The following LPP variants were observed in gnomAD, a reference collection of about 807,000 sequenced individuals.
The protein encoded by LPP is LIM domain containing preferred translocation partner in lipoma.
Under a neutral mutation model 60.4 loss-of-function variants are expected in LPP, and 38 were observed. That is an observed-to-expected ratio of 0.63 (90% CI 0.49 to 0.83). LPP has a LOEUF of 0.83. LPP is among the 40% of genes least tolerant of loss of function. The probability of loss-of-function intolerance (pLI) is 0.00; values close to 1 mark genes in which losing one functional copy is unlikely to be tolerated. For missense variants in LPP, 902 were observed against 783.6 expected, an observed-to-expected ratio of 1.15 and a Z score of -1.80; for synonymous variants, 328 against 290.8, an observed-to-expected ratio of 1.13 and a Z score of -1.30.
At chr3:188,333,916 A>C (rs1760836485) in intron 2 of LPP, among the ~76,000 whole-genome samples, 1 of 152,156 alleles carries the variant, frequency 6.6e-6, no homozygotes, top group African/African-American at 2.4e-5. Flanking sequence ...TTGAAAATAT[A>C]CAATAAATTG....
intron 3 of LPP, among the ~76,000 whole-genome samples, chr3:188,346,014 C>A (rs1764243454): frequency 6.6e-6 from 1 of 152,188 alleles, no homozygotes; most frequent in African/African-American, 2.4e-5. Flanking sequence ...GTCAAAGGAA[C>A]CCTCTGATTT....
At chr3:188,454,027 G>C (rs536236594) in intron 4 of LPP, among the ~76,000 whole-genome samples, 18 of 152,306 alleles carry the variant, frequency 1.2e-4, no homozygotes, top group African/African-American at 4.3e-4. Flanking sequence ...TGAATACTTA[G>C]CATATCCTAG....
intron 6 of LPP, among the ~76,000 whole-genome samples, chr3:188,597,775 A>T (rs1031712519): frequency 6.6e-6 from 1 of 152,168 alleles, no homozygotes; most frequent in African/African-American, 2.4e-5. Context: ...TTTGCCAATA[A>T]TACATTATTG....
At chr3:188,308,563 G>A (rs771792096) in intron 2 of LPP, among the ~76,000 whole-genome samples, 1 of 152,126 alleles carries the variant, frequency 6.6e-6, no homozygotes, top group Non-Finnish European at 1.5e-5. Context: ...CCGAACAATC[G>A]AAACCAACTC....
intron 8 of LPP, among the ~76,000 whole-genome samples, chr3:188,746,138 C>A (rs1726110712): frequency 6.6e-6 from 1 of 152,162 alleles, no homozygotes. Context: ...TCAGTGTTTA[C>A]CCCTTTCAGA....
chr3:188,356,125 C>T (rs79034429), intron 3 of LPP, among the ~76,000 whole-genome samples: 12,935 of 152,192 alleles, frequency 0.085, 683 homozygotes, highest in East Asian at 0.21. Context: ...CCCAAGATAT[C>T]AGATGTCCTT....
intron 8 of LPP, chr3:188,746,523 A>T (rs1010514826): frequency 4.1e-6 from 2 of 487,892 alleles, no homozygotes; most frequent in Non-Finnish European, 8.2e-6. Context: ...TACAGTCCAA[A>T]TTTTTGCTGA....
At chr3:188,839,620 G>A (rs17616827) in intron 9 of LPP, among the ~76,000 whole-genome samples, 18,110 of 152,066 alleles carry the variant, frequency 0.12, 1,547 homozygotes, top group Non-Finnish European at 0.18. Context: ...TTAAGAGTAA[G>A]TTGCTTCACT....
intron 9 of LPP, among the ~76,000 whole-genome samples, chr3:188,859,177 G>A (rs113990657): frequency 0.024 from 3,639 of 150,076 alleles, 53 homozygotes; most frequent in South Asian, 0.036. Flanking sequence ...CACAGATTTC[G>A]TTACAATATT....
At position 188,572,774 on chromosome 3, in the gene LPP, C is replaced by T. The variant is rs1208779000; in HGVS notation, c.430-36387C>T. 6.6e-6 allele frequency among the ~76,000 whole-genome samples: 1 copy of T among 152,058 alleles called. No individual in the cohort carries two copies. The highest frequency in any genetic ancestry group is 1.5e-5 in the Non-Finnish European group (1 of 68,012). On this transcript the variant is annotated intron_variant, in intron 6 of 11. Coordinates refer to ENST00000617246, the MANE Select transcript of LPP (RefSeq NM_001375462.1). The surrounding 1 kb of genome is among the most constrained non-coding windows in gnomAD (Gnocchi z 4.1). ...AACAAATACTTACCAAATCTCGGTA[C>T]TGAAAACAAGGGTTTATTTCTTACT...
At chr3:188,255,294 A>T (rs1443871753) in intron 2 of LPP, among the ~76,000 whole-genome samples, 2 of 152,190 alleles carry the variant, frequency 1.3e-5, no homozygotes, top group African/African-American at 4.8e-5. Flanking sequence ...CATTTCACAG[A>T]CGAGGAAACG....
rs1803074558 is a variant in LPP at position 188,475,920 on chromosome 3, C to CA, written c.194-8666dup. On this transcript the variant is annotated intron_variant, in intron 4 of 11. Transcript: ENST00000617246. ...TCTGTCTCAAAAACAAACAAACAAA[C>CA]AAAAAAGATATGAAAAACAATTTTT... Among the ~76,000 whole-genome samples the CA allele has an allele frequency of 1.3e-5, 2 of 151,958 alleles. 1 individual carries two copies. The highest frequency in any genetic ancestry group is 4.1e-4 in the South Asian group (2 of 4,824).
chr3:188,316,153 C>G (rs1754994713), intron 2 of LPP, among the ~76,000 whole-genome samples: 1 of 152,158 alleles, frequency 6.6e-6, no homozygotes, highest in African/African-American at 2.4e-5. Flanking sequence ...TGGCAGGCAC[C>G]TGTAATCCCA....
Position 188,405,982 on chromosome 3 carries a change from T to G in LPP, c.-9-130T>G. The stretch of plus-strand genomic sequence containing the variant: ...CTTCATTTTTCTTTCTTCCATTTTC[T>G]TTCACCCTTCTTTCCAGAGAACTTT... On this transcript the variant is annotated intron_variant, in intron 3 of 11. Coordinates refer to ENST00000617246, the MANE Select transcript of LPP (RefSeq NM_001375462.1). 4 of 704,926 alleles carry G rather than the reference T, an allele frequency of 5.7e-6. No individual in the cohort carries two copies. The South Asian group carries it at 7.4e-5, about 13-fold the overall frequency. 43.7% of individuals were successfully genotyped at this position (704,926 alleles called of 1,614,324 possible).
intron 8 of LPP, among the ~76,000 whole-genome samples, chr3:188,750,558 G>A (rs566349611): frequency 6.6e-6 from 1 of 152,044 alleles, no homozygotes; most frequent in Non-Finnish European, 1.5e-5. Context: ...GCTTGAACCT[G>A]GGAGGCAGAG....
At chr3:188,241,919 G>T in intron 2 of LPP, among the ~76,000 whole-genome samples, 1 of 152,220 alleles carries the variant, frequency 6.6e-6, no homozygotes, top group Non-Finnish European at 1.5e-5. Flanking sequence ...TGGAATAAAG[G>T]TCTTTATTCC....
At chr3:188,634,012 T>C (rs1848281102) in intron 7 of LPP, among the ~76,000 whole-genome samples, 1 of 149,650 alleles carries the variant, frequency 6.7e-6, no homozygotes, top group Non-Finnish European at 1.5e-5. Context: ...AGTCTGTCGG[T>C]CAACACAAGA....
At chr3:188,203,450 TATATATAA>T (rs1731816343) in intron 1 of LPP, among the ~76,000 whole-genome samples, 1 of 93,206 alleles carries the variant, frequency 1.1e-5, no homozygotes, top group African/African-American at 4.5e-5. Context: ...TTTATATAAA[TATATATAA>T]ATATATATAT....
At chr3:188,562,146 C>A (rs1052649649) in intron 6 of LPP, 4 of 151,946 alleles carry the variant, frequency 2.6e-5, no homozygotes, top group Admixed American at 6.6e-5. Flanking sequence ...CTGCCTGTTG[C>A]TCTTTTTACC....
Sources: allele counts gnomAD v4.1 joint callset (sites outside exome capture counted in the v4.1 genomes callset), GRCh38; gene constraint gnomAD v4.1.1; non-coding constraint Gnocchi (gnomAD v3.1); transcripts MANE v1.5; gene names NCBI Gene and HGNC (gene_info 2026-07-23, HGNC 2026-07-21).